Variants in CHL1 observed in about 807,000 individuals in gnomAD.
CHL1 encodes cell adhesion molecule L1 like.
In CHL1, 96 loss-of-function variants were observed where a neutral mutation model predicts 141.9. The ratio of observed to expected loss-of-function variants is 0.68; its 90% CI spans 0.57 to 0.80. CHL1 has a LOEUF of 0.80. Ranked by LOEUF, CHL1 falls within the 30% of genes least tolerant of loss-of-function variation. The pLI is 0.00. For synonymous variants in CHL1, 613 were observed against 502.2 expected (o/e 1.22, Z -2.95); for missense variants, 1,820 against 1,457.2 (o/e 1.25, Z -4.05).
At chr3:311,929 C>T (rs371420003) in intron 2 of CHL1, among the ~76,000 whole-genome samples, 1 of 152,148 alleles carries the variant, frequency 6.6e-6, no homozygotes, top group South Asian at 2.1e-4. Context: ...GTCAAATGAC[C>T]ATGAATTTCC....
At chr3:369,005 T>G (rs1211572023) in intron 15 of CHL1, among the ~76,000 whole-genome samples, 1 of 152,208 alleles carries the variant, frequency 6.6e-6, no homozygotes, top group Non-Finnish European at 1.5e-5. Flanking sequence ...CGCCTTGTAG[T>G]GTAGTTTGAA....
At chr3:226,849 A>G (rs1457133358) in intron 1 of CHL1, among the ~76,000 whole-genome samples, 2 of 152,196 alleles carry the variant, frequency 1.3e-5, no homozygotes, top group African/African-American at 4.8e-5. Flanking sequence ...TTTGATAAAC[A>G]AGGATCCTTT....
intron 5 of CHL1, among the ~76,000 whole-genome samples, chr3:334,130 C>G (rs946396052): frequency 6.6e-6 from 1 of 151,964 alleles, no homozygotes; most frequent in Non-Finnish European, 1.5e-5. Context: ...CTATAAACAT[C>G]TTTTTTGAAG....
rs181808370 is a variant in CHL1 at position 388,857 on chromosome 3, C to A, written c.2248-395C>A. Among the ~76,000 whole-genome samples, 425 of 152,290 alleles carry A rather than the reference C, an allele frequency of 2.8e-3. 2 individuals carry two copies. Among genetic ancestry groups the A allele is most frequent in the African/African-American group, 9.8e-3 (406 of 41,570 alleles). On this transcript the variant is annotated intron_variant, in intron 19 of 27. Coordinates refer to ENST00000256509, the MANE Select transcript of CHL1 (RefSeq NM_006614.4). ...GAATCCCATTCACAACCAAAGAATT[C>A]GTGGCCATATTATTTTTTATTTCAG...
At chr3:362,192 A>G (rs1248196361) in intron 13 of CHL1, among the ~76,000 whole-genome samples, 2 of 152,214 alleles carry the variant, frequency 1.3e-5, no homozygotes, top group Admixed American at 6.6e-5. Flanking sequence ...TTTAATTCCA[A>G]ATGCATGTGC....
At chr3:232,958 G>T (rs1701997342) in intron 1 of CHL1, among the ~76,000 whole-genome samples, 1 of 151,426 alleles carries the variant, frequency 6.6e-6, no homozygotes. Context: ...GTTTAGAGCT[G>T]GACTCAAACC....
rs1376235052 is a variant in CHL1 at position 254,930 on chromosome 3, G to A, written c.-95+10238G>A. Among the ~76,000 whole-genome samples the A allele has an allele frequency of 2.0e-5, 3 of 152,136 alleles. No individual in the cohort carries two copies. In the East Asian group the frequency reaches 5.8e-4, roughly 29 times the overall value. On this transcript the variant is annotated intron_variant, in intron 2 of 27. Transcript: ENST00000256509. ...TCAACACTTGAATTTGGGAAGGGATGCATTCAAACCCTACCATCATGCAAA... is the reference window on the plus strand; with the variant it reads ...TCAACACTTGAATTTGGGAAGGGATACATTCAAACCCTACCATCATGCAAA...
At chr3:337,358 T>C (rs1163775234) in intron 5 of CHL1, among the ~76,000 whole-genome samples, 2 of 38,616 alleles carry the variant, frequency 5.2e-5, no homozygotes, top group Non-Finnish European at 9.9e-5. Flanking sequence ...GCCCGGCTAA[T>C]TTTTTTATAT....
intron 2 of CHL1, among the ~76,000 whole-genome samples, chr3:258,695 C>T (rs940535965): frequency 1.3e-5 from 2 of 152,122 alleles, no homozygotes; most frequent in Admixed American, 1.3e-4. Context: ...TTGTCTGAAT[C>T]AGTTTTAAAT....
chr3:379,176 T>C (rs758113741), intron 16 of CHL1, among the ~76,000 whole-genome samples: 3 of 152,008 alleles, frequency 2.0e-5, no homozygotes, highest in Admixed American at 6.6e-5. Flanking sequence ...GAAAGTTCAG[T>C]CTCTTCTGAG....
chr3:207,954 T>C (rs1699582325), intron 1 of CHL1, among the ~76,000 whole-genome samples: 1 of 152,188 alleles, frequency 6.6e-6, no homozygotes, highest in Admixed American at 6.5e-5. Flanking sequence ...CAAGTTCAAA[T>C]AAATTGGATT....
chr3:391,183 C>T, intron 22 of CHL1, 24 bp downstream of exon 22: 2 of 1,556,228 alleles, frequency 1.3e-6, no homozygotes, highest in Non-Finnish European at 1.8e-6. Context: ...GATGTAGAGT[C>T]ATGTCAAAAA....
At position 313,477 on chromosome 3, in the gene CHL1, C is replaced by T. The variant is rs557462864; in HGVS notation, c.-94-6206C>T. Among the ~76,000 whole-genome samples the T allele has an allele frequency of 7.9e-5, 12 of 151,936 alleles. No individual in the cohort carries two copies. The South Asian group carries it at 2.1e-3, about 26-fold the overall frequency. On this transcript the variant is annotated intron_variant, in intron 2 of 27. Coordinates refer to ENST00000256509, the MANE Select transcript of CHL1 (RefSeq NM_006614.4). ...TAATGTTATTTGCAAAAGGGAAAAT[C>T]GAAGCATTTACTATTCATTAGAGCC...
chr3:394,102 T>G (rs1458683645), intron 23 of CHL1, among the ~76,000 whole-genome samples: 1 of 152,204 alleles, frequency 6.6e-6, no homozygotes, highest in African/African-American at 2.4e-5. Flanking sequence ...AGAAGCTGTC[T>G]ATCTGATTCA....
chr3:228,767 A>G (rs143571725), intron 1 of CHL1, among the ~76,000 whole-genome samples: 1,950 of 152,252 alleles, frequency 0.013, 27 homozygotes, highest in Admixed American at 0.019. Context: ...TAGATTTCTA[A>G]ATCCTCTACT....
At chr3:253,913 T>C (rs1161256675) in intron 2 of CHL1, among the ~76,000 whole-genome samples, 2 of 152,250 alleles carry the variant, frequency 1.3e-5, no homozygotes, top group South Asian at 2.1e-4. Flanking sequence ...TTAACATTTA[T>C]TGAGAACTTA....
intron 1 of CHL1, among the ~76,000 whole-genome samples, chr3:242,059 C>G (rs1288568713): frequency 6.6e-6 from 1 of 152,070 alleles, no homozygotes; most frequent in Non-Finnish European, 1.5e-5. Flanking sequence ...GTCTATCCCT[C>G]CACTATATGT....
rs112305373 is a variant in CHL1, at chr3:365,409, G to T, written c.1586-541G>T. 1.0e-3 allele frequency among the ~76,000 whole-genome samples: 158 copies of T among 152,272 alleles called. 1 individual carries two copies. The highest frequency in any genetic ancestry group is 2.6e-4 in the Non-Finnish European group (18 of 68,028). ...ATGTATTGAATGCCTACGGTGTACA[G>T]GCTCCCTTCTAGGCTCTGGAGACAC... On this transcript the variant is annotated intron_variant, in intron 14 of 27. Transcript: ENST00000256509.
At chr3:311,193 GTT>G (rs1575032654) in intron 2 of CHL1, among the ~76,000 whole-genome samples, 1 of 152,178 alleles carries the variant, frequency 6.6e-6, no homozygotes, top group South Asian at 2.1e-4. Flanking sequence ...CCATGTACAA[GTT>G]TTTTGTGGAC....
Sources: allele counts gnomAD v4.1 joint callset (sites outside exome capture counted in the v4.1 genomes callset), GRCh38; gene constraint gnomAD v4.1.1; transcripts MANE v1.5; gene names NCBI Gene and HGNC (gene_info 2026-07-23, HGNC 2026-07-21).